MTCL2: variants seen among roughly 807,000 people sequenced by gnomAD.
The protein encoded by MTCL2 is microtubule cross-linking factor 2.
the MTCL2 span, chr20:36,815,417 A>AT: frequency 6.2e-7 from 1 of 1,613,066 alleles, no homozygotes; most frequent in Non-Finnish European, 8.5e-7. This position sits in a 1 kb window ranked among gnomAD's most constrained non-coding sequence, Gnocchi z 5.3. Flanking sequence ...CCGTGAAGCC[A>AT]TTGGCATCAG....
chr20:36,794,354 G>T, the MTCL2 span: 1 of 1,602,268 alleles, frequency 6.2e-7, no homozygotes, highest in Non-Finnish European at 8.5e-7. The surrounding 1 kb of genome is among the most constrained non-coding windows in gnomAD (Gnocchi z 5.4). Flanking sequence ...GTCAGGAGCC[G>T]TGTAGCTGCG....
At chr20:36,797,396 G>A in the MTCL2 span, 10 of 1,143,540 alleles carry the variant, frequency 8.7e-6, no homozygotes, top group Non-Finnish European at 1.3e-5. Flanking sequence ...GCAAGGGTGT[G>A]ACCTATGAGA....
the MTCL2 span, among the ~76,000 whole-genome samples, chr20:36,818,615 C>T: frequency 6.6e-6 from 1 of 152,084 alleles, no homozygotes; most frequent in Non-Finnish European, 1.5e-5. Flanking sequence ...GCCTAGGCAA[C>T]ATAGCAAGAC....
the MTCL2 span, among the ~76,000 whole-genome samples, chr20:36,827,250 G>A: frequency 0.11 from 16,768 of 151,058 alleles, 1,176 homozygotes; most frequent in Non-Finnish European, 0.17. Flanking sequence ...ATGGGGTTTC[G>A]CCATGTTGGC....
At chr20:36,861,695 C>A in the MTCL2 span, among the ~76,000 whole-genome samples, 11 of 152,192 alleles carry the variant, frequency 7.2e-5, no homozygotes, top group Non-Finnish European at 1.6e-4. Context: ...GCCCAGCCAG[C>A]GGCAGGAGAG....
the MTCL2 span, among the ~76,000 whole-genome samples, chr20:36,811,453 AC>A: frequency 6.6e-6 from 1 of 151,842 alleles, no homozygotes; most frequent in Non-Finnish European, 1.5e-5. Flanking sequence ...ACATGACAAA[AC>A]CCTGTCTCTA....
chr20:36,817,792 T>C, the MTCL2 span, among the ~76,000 whole-genome samples: 1 of 152,248 alleles, frequency 6.6e-6, no homozygotes, highest in Admixed American at 6.5e-5. Context: ...TTCTCATTTG[T>C]CTTTCATCAA....
chr20:36,827,110 G>A, the MTCL2 span, among the ~76,000 whole-genome samples: 12 of 151,516 alleles, frequency 7.9e-5, no homozygotes, highest in East Asian at 7.8e-4. Context: ...ATGCAGTGGC[G>A]CAATCTCGGC....
At chr20:36,860,768 C>A in the MTCL2 span, among the ~76,000 whole-genome samples, 2 of 152,166 alleles carry the variant, frequency 1.3e-5, no homozygotes, top group African/African-American at 2.4e-5. Context: ...AAGTAACTTG[C>A]CAAAGATCAC....
At chr20:36,862,359 C>A in the MTCL2 span, among the ~76,000 whole-genome samples, 1 of 152,208 alleles carries the variant, frequency 6.6e-6, no homozygotes. Flanking sequence ...CCTGGCTACC[C>A]ACCCCCACCT....
chr20:36,794,374 C>G, the MTCL2 span: 120 of 1,611,994 alleles, frequency 7.4e-5, no homozygotes, highest in African/African-American at 1.5e-3. The surrounding 1 kb of genome is among the most constrained non-coding windows in gnomAD (Gnocchi z 5.4). Flanking sequence ...GCTGCATCTG[C>G]CTCCCTGGGG....
the MTCL2 span, among the ~76,000 whole-genome samples, chr20:36,856,414 G>C: frequency 6.6e-6 from 1 of 152,240 alleles, no homozygotes. Flanking sequence ...ATGGCCCTCT[G>C]CAGCCCCCAG....
chr20:36,791,061 G>A, the MTCL2 span, among the ~76,000 whole-genome samples: 2 of 151,638 alleles, frequency 1.3e-5, no homozygotes, highest in Non-Finnish European at 2.9e-5. Context: ...TGGAGATGGA[G>A]TCTCACTCTG....
chr20:36,859,807 T>C, the MTCL2 span: 2 of 1,231,568 alleles, frequency 1.6e-6, no homozygotes, highest in Middle Eastern at 3.1e-4. Flanking sequence ...GGATTTGGAG[T>C]CCTTTCCCTT....
At chr20:36,812,838 C>T in the MTCL2 span, 2 of 1,611,368 alleles carry the variant, frequency 1.2e-6, no homozygotes, top group Non-Finnish European at 1.7e-6. Context: ...TCCCTGAAGT[C>T]AGGTGGCTGC....
At chr20:36,855,771 C>G in the MTCL2 span, among the ~76,000 whole-genome samples, 1 of 152,220 alleles carries the variant, frequency 6.6e-6, no homozygotes, top group Non-Finnish European at 1.5e-5. Context: ...GAAAGGATCA[C>G]ATCCCCATTT....
chr20:36,809,765 G>A, the MTCL2 span, among the ~76,000 whole-genome samples: 5 of 151,848 alleles, frequency 3.3e-5, no homozygotes, highest in South Asian at 4.1e-4. Flanking sequence ...TAGTAGAGGC[G>A]GGGTTTCCAT....
At chr20:36,816,391 G>A in the MTCL2 span, 3 of 1,210,486 alleles carry the variant, frequency 2.5e-6, no homozygotes, top group Non-Finnish European at 3.4e-6. Flanking sequence ...GGAGCACTAT[G>A]TGCTGGGAAC....
At chr20:36,818,628 C>T in the MTCL2 span, among the ~76,000 whole-genome samples, 6 of 151,936 alleles carry the variant, frequency 3.9e-5, no homozygotes, top group East Asian at 1.2e-3. Context: ...AGCAAGACTC[C>T]ACCTCAAAAA....
Sources: gnomAD v4.1 joint callset for allele counts (sites outside exome capture counted in the v4.1 genomes callset) on GRCh38, gnomAD v4.1.1 for gene constraint, Gnocchi (gnomAD v3.1) non-coding constraint, MANE v1.5 for transcripts, NCBI Gene and HGNC (gene_info 2026-07-23, HGNC 2026-07-21) for gene names.